ARFGEF1: variants seen among roughly 807,000 people sequenced by gnomAD.
ARFGEF1 encodes ARF guanine nucleotide exchange factor 1, also known as brefeldin A-inhibited guanine nucleotide-exchange protein 1.
ARFGEF1 carries 42 observed loss-of-function variants against 231.0 expected under a neutral mutation model. That is an observed-to-expected ratio of 0.18 (90% CI 0.14 to 0.24). The LOEUF (loss-of-function observed/expected upper bound fraction) is 0.24, where lower values mean the gene tolerates loss of function less well. Ranked by LOEUF, ARFGEF1 falls within the 10% of genes least tolerant of loss-of-function variation. The probability of loss-of-function intolerance (pLI) is 1.00; values close to 1 mark genes in which losing one functional copy is unlikely to be tolerated. For synonymous variants in ARFGEF1, 710 were observed against 732.3 expected, an observed-to-expected ratio of 0.97 and a Z score of 0.49; for missense variants, 1,345 against 2,192.0, an observed-to-expected ratio of 0.61 and a Z score of 7.72.
intron 34 of ARFGEF1, 122 bp downstream of exon 34, chr8:67,211,361 A>G (rs1838742637): frequency 4.4e-6 from 3 of 677,892 alleles, no homozygotes. Flanking sequence ...AAAAAAAAAA[A>G]AAAAGAAGTG....
At chr8:67,332,134 A>T (rs1808128228) in intron 1 of ARFGEF1, among the ~76,000 whole-genome samples, 1 of 152,192 alleles carries the variant, frequency 6.6e-6, no homozygotes, top group African/African-American at 2.4e-5. Context: ...TGAAATATTG[A>T]TGAGAGAACA....
chr8:67,179,791 CTT>C, intron 5 of ARFGEF1: 1 of 1,026,082 alleles, frequency 9.7e-7, no homozygotes, highest in Non-Finnish European at 1.5e-6. Flanking sequence ...ACTTGTGCCT[CTT>C]CTTAGTATAA....
intron 14 of ARFGEF1, among the ~76,000 whole-genome samples, chr8:67,260,627 C>G (rs1804576309): frequency 6.6e-6 from 1 of 152,076 alleles, no homozygotes. Context: ...CTTGGGCTTC[C>G]CTATTCTGAG....
chr8:67,334,123 C>A, intron 1 of ARFGEF1, among the ~76,000 whole-genome samples: 1 of 133,142 alleles, frequency 7.5e-6, no homozygotes, highest in Non-Finnish European at 1.6e-5. Context: ...GCAACAATAG[C>A]TAAACTCCGT....
chr8:67,304,656 A>T (rs926798995), intron 1 of ARFGEF1, among the ~76,000 whole-genome samples: 5 of 152,168 alleles, frequency 3.3e-5, no homozygotes, highest in South Asian at 2.1e-4. Flanking sequence ...GTGAAACCCC[A>T]TGAAATACAA....
At chr8:67,248,342 T>C (rs1840169006) in intron 19 of ARFGEF1, among the ~76,000 whole-genome samples, 1 of 150,250 alleles carries the variant, frequency 6.7e-6, no homozygotes, top group South Asian at 2.1e-4. Flanking sequence ...TCCATACATC[T>C]AGTGAATTCA....
At chr8:67,258,317 G>A (rs762327334) in intron 15 of ARFGEF1, 27 bp from the exon 16 acceptor site, 1 of 1,411,382 alleles carries the variant, frequency 7.1e-7, no homozygotes, top group Admixed American at 1.9e-5. Flanking sequence ...GATAGAAATT[G>A]ATATTTTCTT....
chr8:67,257,156 G>GT (rs1278368304), intron 17 of ARFGEF1, among the ~76,000 whole-genome samples: 1 of 151,866 alleles, frequency 6.6e-6, no homozygotes, highest in East Asian at 1.9e-4. Flanking sequence ...TCAGCTCACT[G>GT]TATGACTTGT....
chr8:67,270,939 G>A (rs561069444), intron 10 of ARFGEF1, among the ~76,000 whole-genome samples: 48 of 147,012 alleles, frequency 3.3e-4, no homozygotes, highest in South Asian at 2.6e-3. Context: ...CAGGAGAATC[G>A]CTTGAACCCA....
chr8:67,289,894 G>A (rs1320253074), intron 6 of ARFGEF1, among the ~76,000 whole-genome samples: 2 of 152,116 alleles, frequency 1.3e-5, no homozygotes, highest in Non-Finnish European at 2.9e-5. Context: ...GAGTTTCAAA[G>A]TAACTTAATA....
intron 5 of ARFGEF1, among the ~76,000 whole-genome samples, chr8:67,186,258 C>T (rs1288073471): frequency 6.6e-6 from 1 of 152,018 alleles, no homozygotes; most frequent in Admixed American, 6.6e-5. Context: ...AATGTGTTGT[C>T]CAAAATACCT....
chr8:67,319,474 AAT>A (rs1277339102), intron 1 of ARFGEF1, among the ~76,000 whole-genome samples: 17 of 151,688 alleles, frequency 1.1e-4, no homozygotes, highest in African/African-American at 4.1e-4. Flanking sequence ...CTTTTCAACA[AAT>A]AGTGTTGGAA....
chr8:67,274,855 T>C (rs959142527), intron 9 of ARFGEF1, among the ~76,000 whole-genome samples: 16 of 152,122 alleles, frequency 1.1e-4, no homozygotes, highest in Non-Finnish European at 1.0e-4. Flanking sequence ...CTGGTGATTT[T>C]TGAATGAGAC....
At chr8:67,201,629 G>T in intron 36 of ARFGEF1, 24 bp from the exon 37 acceptor site, 3 of 1,612,356 alleles carry the variant, frequency 1.9e-6, no homozygotes, top group Admixed American at 1.7e-5. Flanking sequence ...AAGTTTCTGG[G>T]ATTAGTTTGG....
chr8:67,239,289 A>G (rs985978813), intron 20 of ARFGEF1, among the ~76,000 whole-genome samples: 3 of 152,156 alleles, frequency 2.0e-5, no homozygotes, highest in Non-Finnish European at 2.9e-5. Flanking sequence ...TACAGGCTTG[A>G]GCCACCATGC....
intron 1 of ARFGEF1, among the ~76,000 whole-genome samples, chr8:67,319,533 C>T (rs991313126): frequency 3.4e-5 from 5 of 146,216 alleles, no homozygotes; most frequent in African/African-American, 1.2e-4. Flanking sequence ...TGACCTAAAA[C>T]TCCCACCTTA....
intron 33 of ARFGEF1, 86 bp downstream of exon 33, chr8:67,216,504 G>A (rs545225440): frequency 1.7e-6 from 2 of 1,211,778 alleles, no homozygotes; most frequent in Admixed American, 2.7e-5. Flanking sequence ...AATGGATTAA[G>A]ACAATTACAT....
At chr8:67,217,623 TG>T (rs1320524065) in intron 32 of ARFGEF1, among the ~76,000 whole-genome samples, 158 bp downstream of exon 32, 2 of 152,240 alleles carry the variant, frequency 1.3e-5, no homozygotes, top group Non-Finnish European at 2.9e-5. Flanking sequence ...TATAGCAGTT[TG>T]GTTTGTAATA....
At chr8:67,200,557 T>C (rs1392535478) in intron 37 of ARFGEF1, 44 bp from the exon 38 acceptor site, 15 of 1,205,166 alleles carry the variant, frequency 1.2e-5, no homozygotes, top group Non-Finnish European at 1.8e-5. Flanking sequence ...GCGTATCTAC[T>C]GGTCCCCATA....
Sources: gnomAD v4.1 joint callset for allele counts (sites outside exome capture counted in the v4.1 genomes callset) on GRCh38, gnomAD v4.1.1 for gene constraint, MANE v1.5 for transcripts, NCBI Gene and HGNC (gene_info 2026-07-23, HGNC 2026-07-21) for gene names.